STAB2: variants seen among roughly 807,000 people sequenced by gnomAD.
STAB2 encodes stabilin 2, also known as stabilin-2.
STAB2 carries 288 observed loss-of-function variants against 338.1 expected under a neutral mutation model. The observed-to-expected ratio is 0.85, with a 90% confidence interval of 0.77 to 0.94. The LOEUF (loss-of-function observed/expected upper bound fraction) is 0.94. STAB2 is among the 40% of genes least tolerant of loss of function. The probability of loss-of-function intolerance (pLI) is 0.00; values close to 1 mark genes in which losing one functional copy is unlikely to be tolerated. For synonymous variants in STAB2, 1,202 were observed against 1,193.3 expected, an observed-to-expected ratio of 1.01 and a Z score of -0.15; for missense variants, 3,141 against 3,210.1, an observed-to-expected ratio of 0.98 and a Z score of 0.52.
At chr12:103,630,069 A>C (rs544564925) in intron 5 of STAB2, among the ~76,000 whole-genome samples, 2 of 152,344 alleles carry the variant, frequency 1.3e-5, no homozygotes, top group South Asian at 4.1e-4. Context: ...TTTGGTTGGT[A>C]ATTGAGAGTC....
At chr12:103,613,438 G>A (rs1026379747) in intron 3 of STAB2, among the ~76,000 whole-genome samples, 3 of 152,142 alleles carry the variant, frequency 2.0e-5, no homozygotes, top group Non-Finnish European at 4.4e-5. Context: ...ATCTCAGACT[G>A]CTGTGCTAGC....
intron 65 of STAB2, 110 bp from the exon 66 acceptor site, chr12:103,761,190 C>A (rs1265499243): frequency 2.0e-6 from 2 of 976,178 alleles, no homozygotes; most frequent in Non-Finnish European, 3.2e-6. Flanking sequence ...TCAGTGGAGA[C>A]AAACCTGAAA....
At chr12:103,696,134 G>A (rs1426793784) in intron 33 of STAB2, among the ~76,000 whole-genome samples, 1 of 152,096 alleles carries the variant, frequency 6.6e-6, no homozygotes, top group Non-Finnish European at 1.5e-5. Context: ...ATGAACAAAG[G>A]AAGCCCAAAC....
At chr12:103,694,929 G>A (rs1243482044) in intron 31 of STAB2, among the ~76,000 whole-genome samples, 1 of 152,030 alleles carries the variant, frequency 6.6e-6, no homozygotes, top group Non-Finnish European at 1.5e-5. Context: ...GGGAGTGGTG[G>A]AGCCTATAAT....
chr12:103,760,197 A>G (rs1278426016), intron 65 of STAB2, among the ~76,000 whole-genome samples: 1 of 152,190 alleles, frequency 6.6e-6, no homozygotes, highest in African/African-American at 2.4e-5. Context: ...CCTTCCTGCA[A>G]CTGCCGTTTC....
chr12:103,695,431 G>A, intron 31 of STAB2, 119 bp from the exon 32 acceptor site: 2 of 823,502 alleles, frequency 2.4e-6, no homozygotes, highest in Non-Finnish European at 3.9e-6. Context: ...TCAAAAGGTT[G>A]TCAATGTCAA....
At position 103,689,874 on chromosome 12, in the gene STAB2, C is replaced by A; in HGVS notation, c.3074C>A (p.Ala1025Asp). The A allele has an allele frequency of 6.2e-7, 1 of 1,614,026 alleles. No homozygotes were observed. ...NNASLQPTLS[A>D]TSNLTVLVPS... Reference sequence around the variant, plus strand: ...GCTTCTCTACAACCCACACTGTCAGCCACCTCAAACCTCACTGTCCTCGTG... The same window carrying A: ...GCTTCTCTACAACCCACACTGTCAGACACCTCAAACCTCACTGTCCTCGTG... Residue 1025 changes from alanine (A) to aspartate (D), a missense_variant, in exon 29 of 69, where the codon GCC (alanine) becomes GAC (aspartate). Ala to Asp is a moderately radical substitution (Grantham distance 126). Coordinates refer to ENST00000388887, the MANE Select transcript of STAB2 (RefSeq NM_017564.10).
intron 3 of STAB2, among the ~76,000 whole-genome samples, chr12:103,601,274 G>GA (rs575323115): frequency 1.3e-4 from 19 of 147,986 alleles, no homozygotes; most frequent in African/African-American, 3.2e-4. Context: ...CACAAAAGAG[G>GA]AAAAAAAAAA....
At chr12:103,758,077 T>G (rs1389720992) in intron 63 of STAB2, 93 bp from the exon 64 acceptor site, 2 of 1,564,392 alleles carry the variant, frequency 1.3e-6, no homozygotes, top group Non-Finnish European at 8.7e-7. Flanking sequence ...CCATGAATAT[T>G]CACAGATGGG....
chr12:103,729,100 A>T (rs1183031280), intron 48 of STAB2, 105 bp downstream of exon 48: 1 of 1,103,494 alleles, frequency 9.1e-7, no homozygotes, highest in Non-Finnish European at 1.3e-6. Flanking sequence ...ATGCAGGAAC[A>T]GAAAACCCAA....
chr12:103,600,110 A>G (rs1207059839), intron 3 of STAB2, among the ~76,000 whole-genome samples: 1 of 152,230 alleles, frequency 6.6e-6, no homozygotes. Flanking sequence ...GAGAACCTAC[A>G]TGAAAAGTGG....
intron 25 of STAB2, among the ~76,000 whole-genome samples, chr12:103,678,085 C>G (rs1876552614): frequency 6.6e-6 from 1 of 152,140 alleles, no homozygotes; most frequent in Non-Finnish European, 1.5e-5. Flanking sequence ...GCTCCCTTCC[C>G]CCATCCATCC....
chr12:103,670,691 C>G lies in STAB2; in HGVS notation c.2260-5C>G, dbSNP rs759992569. 6.2e-7 allele frequency: 1 copy of G among 1,613,112 alleles called. No individual in the cohort carries two copies. The highest frequency in any genetic ancestry group is 8.5e-7 in the Non-Finnish European group (1 of 1,179,322). The stretch of plus-strand genomic sequence containing the variant: ...ATGGCCCATGGGCCCTGCCTTTGCT[C>G]CCAGTGTGCAGATAGCCTCGGCGGC... On this transcript the variant is annotated splice_region_variant and splice_polypyrimidine_tract_variant and intron_variant, in intron 21 of 68. Transcript: ENST00000388887.
At chr12:103,620,968 G>A (rs903456058) in intron 4 of STAB2, among the ~76,000 whole-genome samples, 1 of 151,904 alleles carries the variant, frequency 6.6e-6, no homozygotes, top group Non-Finnish European at 1.5e-5. Context: ...GTGGTGGTGG[G>A]CGCCTATAGT....
Position 103,704,645 on chromosome 12 carries a change from T to C in STAB2, c.3900+31T>C, listed in dbSNP as rs754125602. Reference sequence around the variant, plus strand: ...TACTTTGTCTGTTTTGATAAAATAGTTTCCAGATCCGAGGAGTCCCAATTA... The same window carrying C: ...TACTTTGTCTGTTTTGATAAAATAGCTTCCAGATCCGAGGAGTCCCAATTA... On this transcript the variant is annotated intron_variant, in intron 36 of 68. Transcript: ENST00000388887. 1.8e-5 allele frequency: 29 copies of C among 1,605,512 alleles called. No individual in the cohort carries two copies. In the East Asian group the frequency reaches 2.9e-4, roughly 16 times the overall value.
intron 12 of STAB2, 43 bp downstream of exon 12, chr12:103,652,748 A>T: frequency 6.6e-7 from 1 of 1,504,928 alleles, no homozygotes; most frequent in Non-Finnish European, 8.9e-7. Flanking sequence ...TAAATTATCC[A>T]CCAAGCCAAT....
intron 39 of STAB2, among the ~76,000 whole-genome samples, chr12:103,709,273 A>G (rs1879633244): frequency 1.3e-5 from 2 of 152,202 alleles, no homozygotes; most frequent in African/African-American, 4.8e-5. Flanking sequence ...TAGGGAATCA[A>G]AGGATTGCAG....
At position 103,690,446 on chromosome 12, in the gene STAB2, T is replaced by G. The variant is rs1877831558; in HGVS notation, c.3205T>G (p.Tyr1069Asp). Reference sequence around the variant, plus strand: ...CAGGTACCATATGCTACTAGGCACATACAGAGTGGCAGATCTGCAGACCCT... The same window carrying G: ...CAGGTACCATATGCTACTAGGCACAGACAGAGTGGCAGATCTGCAGACCCT... ...LIKYHMLLGT[Y>D]RVADLQTLSS... is the part of the protein sequence containing the mutation. Residue 1069 changes from tyrosine (Y) to aspartate (D), a missense_variant, in exon 30 of 69, where the codon TAC becomes GAC. By Grantham distance (160) the Tyr-to-Asp change is radical (BLOSUM62 -3). Coordinates refer to ENST00000388887, the MANE Select transcript of STAB2 (RefSeq NM_017564.10). The G allele has an allele frequency of 6.2e-7, 1 of 1,613,950 alleles. No homozygotes were observed. Among genetic ancestry groups the G allele is most frequent in the Admixed American group, 1.7e-5 (1 of 60,000 alleles).
chr12:103,746,870 G>C (rs1300067790), intron 58 of STAB2, among the ~76,000 whole-genome samples, 166 bp downstream of exon 58: 1 of 151,594 alleles, frequency 6.6e-6, no homozygotes, highest in Non-Finnish European at 1.5e-5. Flanking sequence ...GCTCATGCTT[G>C]ATCTGCTCAC....
Sources: gnomAD v4.1 joint callset for allele counts (sites outside exome capture counted in the v4.1 genomes callset) on GRCh38, gnomAD v4.1.1 for gene constraint, MANE v1.5 for transcripts, NCBI Gene and HGNC (gene_info 2026-07-23, HGNC 2026-07-21) for gene names.